Variants in ARHGAP42 observed in about 807,000 individuals in gnomAD.
The protein encoded by ARHGAP42 is rho GTPase-activating protein 42.
Under a neutral mutation model 125.0 loss-of-function variants are expected in ARHGAP42, and 63 were observed. The observed-to-expected ratio is 0.50, with a 90% CI of 0.41 to 0.62. The LOEUF (loss-of-function observed/expected upper bound fraction) is 0.62, where lower values mean the gene tolerates loss of function less well. Ranked by LOEUF, ARHGAP42 falls within the 20% of genes least tolerant of loss-of-function variation. The pLI is 0.00. For missense variants in ARHGAP42, 766 were observed against 1,024.2 expected, an observed-to-expected ratio of 0.75 and a Z score of 3.44; for synonymous variants, 339 against 351.0, an observed-to-expected ratio of 0.97 and a Z score of 0.38.
At chr11:100,695,621 C>T (rs760578548) in intron 1 of ARHGAP42, among the ~76,000 whole-genome samples, 2 of 152,034 alleles carry the variant, frequency 1.3e-5, no homozygotes, top group African/African-American at 2.4e-5. Context: ...ATTCATTTAA[C>T]CAGAATATTT....
At position 100,910,464 on chromosome 11, in the gene ARHGAP42, A is replaced by AT. The variant is rs565858383; in HGVS notation, c.385-2981dup. Among the ~76,000 whole-genome samples the AT allele has an allele frequency of 8.2e-3, 1,249 of 152,214 alleles. 8 individuals are homozygous for AT. Among genetic ancestry groups the AT allele is most frequent in the Middle Eastern group, 0.031 (9 of 294 alleles). On this transcript the variant is annotated intron_variant, in intron 4 of 23. Transcript: ENST00000298815. Reference sequence around the variant, plus strand: ...CATCCCATTACAGTATGAAGTCTCTATTTTTTTAAAATAATGCCATATCAA... The same window carrying AT: ...CATCCCATTACAGTATGAAGTCTCTATTTTTTTTAAAATAATGCCATATCAA...
At chr11:100,849,026 C>T (rs1259075430) in intron 3 of ARHGAP42, among the ~76,000 whole-genome samples, 1 of 152,154 alleles carries the variant, frequency 6.6e-6, no homozygotes, top group Non-Finnish European at 1.5e-5. Context: ...TCTTAAACAG[C>T]CTCATAGCCA....
intron 5 of ARHGAP42, among the ~76,000 whole-genome samples, chr11:100,920,039 C>T (rs1024024067): frequency 2.6e-5 from 4 of 152,228 alleles, no homozygotes; most frequent in East Asian, 1.9e-4. Flanking sequence ...TTCCAATAAG[C>T]GATGGTAAGA....
chr11:100,755,200 T>C (rs377511963), intron 1 of ARHGAP42, among the ~76,000 whole-genome samples: 22 of 152,272 alleles, frequency 1.4e-4, no homozygotes, highest in African/African-American at 2.9e-4. Context: ...TGCACGCACA[T>C]ATGTGGAGGC....
In ARHGAP42 at chr11:100,792,936, A is replaced by C. The variant is rs568107387; in HGVS notation, c.251-2169A>C. Among the ~76,000 whole-genome samples, 3 of 151,956 alleles carry C rather than the reference A, an allele frequency of 2.0e-5. No individual in the cohort carries two copies. In the South Asian group the frequency reaches 6.2e-4, roughly 32 times the overall value. On this transcript the variant is annotated intron_variant, in intron 2 of 23. Transcript: ENST00000298815. ...CCCTGCTAATTTTTTTTGTATTTTT[A>C]GTAGAGGTGGGGTTTCATCGTGTTA...
intron 4 of ARHGAP42, among the ~76,000 whole-genome samples, chr11:100,910,833 A>C (rs1265455691): frequency 6.6e-6 from 1 of 151,864 alleles, no homozygotes; most frequent in Non-Finnish European, 1.5e-5. Context: ...TGTTACCTAC[A>C]TCATTGGAAC....
chr11:100,822,895 A>G (rs993517901), intron 3 of ARHGAP42, among the ~76,000 whole-genome samples: 1 of 152,156 alleles, frequency 6.6e-6, no homozygotes, highest in Admixed American at 6.5e-5. Flanking sequence ...CATAATGCAG[A>G]TACTGGGAAT....
chr11:100,877,408 A>G (rs923119005), intron 4 of ARHGAP42, among the ~76,000 whole-genome samples: 1 of 152,192 alleles, frequency 6.6e-6, no homozygotes, highest in Non-Finnish European at 1.5e-5. Flanking sequence ...GTGCTTTACT[A>G]TACTTCTTTG....
At chr11:100,779,571 C>CGT (rs1565210795) in intron 2 of ARHGAP42, among the ~76,000 whole-genome samples, 1 of 120,316 alleles carries the variant, frequency 8.3e-6, no homozygotes, top group Non-Finnish European at 1.8e-5. Flanking sequence ...CGTATATATA[C>CGT]GTATATATAC....
intron 4 of ARHGAP42, among the ~76,000 whole-genome samples, chr11:100,870,819 T>C (rs1865677678): frequency 6.6e-6 from 1 of 152,168 alleles, no homozygotes; most frequent in Non-Finnish European, 1.5e-5. Context: ...CCACAAAACT[T>C]TGATAAAATG....
intron 2 of ARHGAP42, among the ~76,000 whole-genome samples, chr11:100,787,700 G>A (rs1806484782): frequency 6.6e-6 from 1 of 152,174 alleles, no homozygotes; most frequent in Admixed American, 6.5e-5. Context: ...AGGCGTGGAG[G>A]GAGGCACTGG....
chr11:100,982,576 A>C (rs1432322596), intron 22 of ARHGAP42, among the ~76,000 whole-genome samples: 1 of 152,236 alleles, frequency 6.6e-6, no homozygotes, highest in African/African-American at 2.4e-5. Context: ...TCTTACCATT[A>C]TAAAGGCATG....
chr11:100,899,696 G>GT lies in ARHGAP42; in HGVS notation c.385-13748dup, dbSNP rs1170124840. ...TTTTGTTTGTTTGTTTGTTTGTTTT[G>GT]TTTTTTTTGTTTTGTTTTGTGTTTT... is the stretch of plus-strand genomic sequence containing the variant. On this transcript the variant is annotated intron_variant, in intron 4 of 23. Transcript: ENST00000298815. Among the ~76,000 whole-genome samples, 476 of 124,788 alleles carry GT rather than the reference G, an allele frequency of 3.8e-3. 4 individuals are homozygous for GT. Among genetic ancestry groups the GT allele is most frequent in the African/African-American group, 0.012 (410 of 35,190 alleles). The allele number at this position is 124,788 out of a possible 152,430, so 81.9% of individuals were successfully genotyped here.
At chr11:100,724,957 T>C (rs1212510788) in intron 1 of ARHGAP42, among the ~76,000 whole-genome samples, 2 of 152,096 alleles carry the variant, frequency 1.3e-5, no homozygotes, top group Non-Finnish European at 2.9e-5. Context: ...TATGCATTTA[T>C]TGCTAAATAG....
intron 1 of ARHGAP42, among the ~76,000 whole-genome samples, chr11:100,734,905 C>T (rs917436407): frequency 4.0e-5 from 6 of 151,866 alleles, no homozygotes; most frequent in African/African-American, 1.2e-4. Flanking sequence ...GTGTTAAGTT[C>T]GTCAGTATAC....
chr11:100,987,484 G>A (rs949757307), intron 22 of ARHGAP42, 29 bp from the exon 23 acceptor site: 6 of 1,536,654 alleles, frequency 3.9e-6, no homozygotes, highest in Non-Finnish European at 5.3e-6. Context: ...TGAGTGTTGA[G>A]GTTTTGACAA....
chr11:100,838,732 A>G (rs1426998953), intron 3 of ARHGAP42, among the ~76,000 whole-genome samples: 3 of 152,070 alleles, frequency 2.0e-5, no homozygotes, highest in East Asian at 3.8e-4. Flanking sequence ...CAAGAAAAAA[A>G]AAATCATAGT....
chr11:100,977,280 G>C lies in ARHGAP42; in HGVS notation c.2393+309G>C, dbSNP rs112652210. Among the ~76,000 whole-genome samples the C allele has an allele frequency of 9.2e-3, 1,406 of 152,292 alleles. 19 individuals are homozygous for C. The highest frequency in any genetic ancestry group is 0.031 in the African/African-American group (1,289 of 41,566). Reference sequence around the variant, plus strand: ...AGTTATAAGCTTTGGAACTAAAAGTGTTCCCATTAAAAGCTAAACATCCAT... The same window carrying C: ...AGTTATAAGCTTTGGAACTAAAAGTCTTCCCATTAAAAGCTAAACATCCAT... On this transcript the variant is annotated intron_variant, in intron 21 of 23. Transcript: ENST00000298815.
At chr11:100,970,846 G>C (rs1266108126) in intron 17 of ARHGAP42, among the ~76,000 whole-genome samples, 4 of 152,076 alleles carry the variant, frequency 2.6e-5, no homozygotes, top group African/African-American at 9.7e-5. Flanking sequence ...TGTCTGGCTA[G>C]TTGGAGGCAA....
Sources: gnomAD v4.1 joint callset for allele counts (sites outside exome capture counted in the v4.1 genomes callset) on GRCh38, gnomAD v4.1.1 for gene constraint, MANE v1.5 for transcripts, NCBI Gene and HGNC (gene_info 2026-07-23, HGNC 2026-07-21) for gene names.